Variants in COP1 observed in about 807,000 individuals in gnomAD.
The protein encoded by COP1 is COP1 E3 ubiquitin ligase.
Under a neutral mutation model 101.3 loss-of-function variants are expected in COP1, and 24 were observed. The observed-to-expected ratio is 0.24, with a 90% CI of 0.17 to 0.33. The LOEUF (loss-of-function observed/expected upper bound fraction) is 0.33. COP1 is among the 10% of genes least tolerant of loss of function. The pLI, the probability that COP1 is intolerant of heterozygous loss-of-function variation, is 1.00. For missense variants in COP1, 663 were observed against 906.2 expected (o/e 0.73, Z 3.45); for synonymous variants, 347 against 341.9 (o/e 1.01, Z -0.17).
chr1:175,958,521 T>C (rs1571250441), intron 18 of COP1, among the ~76,000 whole-genome samples: 1 of 152,026 alleles, frequency 6.6e-6, no homozygotes, highest in Non-Finnish European at 1.5e-5. Context: ...CCTTGCTATT[T>C]ACTATGATAA....
At chr1:176,077,633 T>C (rs1208146128) in intron 11 of COP1, among the ~76,000 whole-genome samples, 4 of 152,186 alleles carry the variant, frequency 2.6e-5, no homozygotes, top group Admixed American at 2.0e-4. Flanking sequence ...TTCAACATTA[T>C]ACTGAAGGTC....
chr1:176,021,283 T>C (rs1022721767), intron 15 of COP1, among the ~76,000 whole-genome samples: 14 of 152,342 alleles, frequency 9.2e-5, no homozygotes, highest in African/African-American at 3.4e-4. Flanking sequence ...AAATCCAGCA[T>C]GCCCACACCA....
At chr1:175,950,475 C>T (rs1175202750) in intron 18 of COP1, among the ~76,000 whole-genome samples, 1 of 151,934 alleles carries the variant, frequency 6.6e-6, no homozygotes, top group South Asian at 2.1e-4. Context: ...GGAAGTGGTA[C>T]GTACAAGGTT....
intron 18 of COP1, among the ~76,000 whole-genome samples, chr1:175,948,813 A>G (rs1649492166): frequency 6.6e-6 from 1 of 152,166 alleles, no homozygotes; most frequent in Non-Finnish European, 1.5e-5. Context: ...TGGGCATGGG[A>G]ATTGTTGATC....
At chr1:175,949,024 G>C (rs1309518074) in intron 18 of COP1, among the ~76,000 whole-genome samples, 1 of 151,504 alleles carries the variant, frequency 6.6e-6, no homozygotes, top group Non-Finnish European at 1.5e-5. Flanking sequence ...TTAGCTTGGC[G>C]TGGTGGCGTG....
intron 12 of COP1, 130 bp downstream of exon 12, chr1:176,046,051 T>C: frequency 4.3e-6 from 3 of 699,452 alleles, no homozygotes; most frequent in East Asian, 2.7e-5. Context: ...ATATACTCTG[T>C]ATACATAGTA....
chr1:176,122,062 C>A (rs780915267), intron 8 of COP1, among the ~76,000 whole-genome samples: 2 of 150,952 alleles, frequency 1.3e-5, no homozygotes, highest in Non-Finnish European at 2.9e-5. Context: ...ATGGTGTGAA[C>A]CTGGGAGGTG....
chr1:175,946,705 T>C (rs563456971), intron 19 of COP1, among the ~76,000 whole-genome samples: 48 of 152,304 alleles, frequency 3.2e-4, no homozygotes, highest in African/African-American at 1.2e-3. Flanking sequence ...AAAATAACTT[T>C]TTCTCCCCTT....
At chr1:176,037,665 A>G (rs1252698035) in intron 14 of COP1, among the ~76,000 whole-genome samples, 2 of 152,180 alleles carry the variant, frequency 1.3e-5, no homozygotes, top group African/African-American at 4.8e-5. Context: ...GTCAATGACT[A>G]TAATTCATAA....
intron 15 of COP1, among the ~76,000 whole-genome samples, chr1:176,020,126 C>A (rs1008688435): frequency 6.6e-6 from 1 of 151,696 alleles, no homozygotes; most frequent in Non-Finnish European, 1.5e-5. Flanking sequence ...GCCTGGCCAA[C>A]ATGGCGAAAC....
chr1:176,083,712 C>G (rs111550688), intron 10 of COP1, among the ~76,000 whole-genome samples: 5,183 of 143,534 alleles, frequency 0.036, 127 homozygotes, highest in Non-Finnish European at 0.056. Flanking sequence ...AAAGAGAATA[C>G]AGATGGATTT....
intron 11 of COP1, among the ~76,000 whole-genome samples, chr1:176,061,777 G>A (rs958280083): frequency 1.2e-4 from 19 of 152,018 alleles, no homozygotes; most frequent in African/African-American, 4.4e-4. Flanking sequence ...AAAAATCTTC[G>A]GGGCAGAAAC....
At chr1:176,151,290 G>A (rs1692398495) in intron 5 of COP1, among the ~76,000 whole-genome samples, 1 of 142,458 alleles carries the variant, frequency 7.0e-6, no homozygotes, top group South Asian at 2.3e-4. Context: ...AGGAAGGAAG[G>A]AGAGAAAGAA....
rs199518398 is a variant in COP1 at position 175,968,526 on chromosome 1, C to CCAG, written c.2133+18414_2133+18416dup. 1.7e-3 allele frequency: 889 copies of CCAG among 517,758 alleles called. 9 individuals carry two copies. Among genetic ancestry groups the CCAG allele is most frequent in the African/African-American group, 0.015 (803 of 51,984 alleles). The allele number at this position is 517,758 out of a possible 1,614,324, so 32.1% of individuals were successfully genotyped here. A position where few individuals can be genotyped will look rare whatever the true frequency, so the allele number is the denominator to read the frequency against. ...TTTTCATTTGTCCACATGGCTGGTT[C>CCAG]CAGCAGCTTCCATTTCTGGTGTGCT... is the stretch of plus-strand genomic sequence containing the variant. On this transcript the variant is annotated intron_variant, in intron 18 of 19. Coordinates refer to ENST00000367669, the MANE Select transcript of COP1 (RefSeq NM_022457.7).
chr1:175,997,473 G>C (rs1356994452), intron 15 of COP1, among the ~76,000 whole-genome samples: 1 of 151,958 alleles, frequency 6.6e-6, no homozygotes, highest in African/African-American at 2.4e-5. Flanking sequence ...CCTACAAAAT[G>C]GGAGAAAATT....
Position 176,207,195 on chromosome 1 carries a change from G to A in COP1, c.-217C>T, listed in dbSNP as rs1700952497. 4 of 408,804 alleles carry A rather than the reference G, an allele frequency of 9.8e-6. No homozygotes were observed. Among genetic ancestry groups the A allele is most frequent in the Non-Finnish European group, 1.7e-5 (4 of 234,480 alleles). 25.3% of individuals were successfully genotyped at this position (408,804 alleles called of 1,614,324 possible). On this transcript the variant is annotated 5_prime_UTR_variant, in exon 1 of 20. Transcript: ENST00000367669. ...GGAAACTAAAAAAGCGGAGTAGAAG[G>A]CACTACCGCTGTCGAGGCCGCCGCC...
rs1441833303 is a variant in COP1, at chr1:176,162,921, T to C, written c.710A>G (p.Asn237Ser). ...TAGTAACTCCAACATAAGATTGACA[T>C]TGGCCAAATCAAGGTTATCTTGGTC... ...GTDQDNLDLA[N>S]VNLMLELLVQ... Residue 237 changes from asparagine to serine, a missense_variant, in exon 5 of 20, where the codon AAT (asparagine) becomes AGT (serine). By Grantham distance (46) the Asn-to-Ser change is conservative. Transcript: ENST00000367669. 7 of 1,609,344 alleles carry C rather than the reference T, an allele frequency of 4.3e-6. No homozygotes were observed. Among genetic ancestry groups the C allele is most frequent in the South Asian group, 1.1e-5 (1 of 89,726 alleles).
At chr1:176,036,664 T>C (rs1042793627) in intron 14 of COP1, among the ~76,000 whole-genome samples, 2 of 152,182 alleles carry the variant, frequency 1.3e-5, no homozygotes, top group Non-Finnish European at 2.9e-5. Flanking sequence ...ACTTCCAATT[T>C]TGAATTTTGA....
rs374198931 is a variant in COP1 at position 175,994,633 on chromosome 1, CAA to C, written c.1730-5156_1730-5155del. 2.0e-3 allele frequency among the ~76,000 whole-genome samples: 303 copies of C among 152,206 alleles called. 3 individuals carry two copies. In the East Asian group the frequency reaches 0.036, roughly 18 times the overall value. ...AAACAGACTTTAAACCAACAAAGAT[CAA>C]AACAGACAAAGAAGGCCATTACATA... On this transcript the variant is annotated intron_variant, in intron 15 of 19. Coordinates refer to ENST00000367669, the MANE Select transcript of COP1 (RefSeq NM_022457.7).
Sources: gnomAD v4.1 joint callset for allele counts (sites outside exome capture counted in the v4.1 genomes callset) on GRCh38, gnomAD v4.1.1 for gene constraint, MANE v1.5 for transcripts, NCBI Gene and HGNC (gene_info 2026-07-23, HGNC 2026-07-21) for gene names.